PLA2G4D: variants seen among roughly 807,000 people sequenced by gnomAD.
The protein encoded by PLA2G4D is cytosolic phospholipase A2 delta.
A neutral mutation model predicts 94.4 loss-of-function variants in PLA2G4D; 80 were observed. The ratio of observed to expected loss-of-function variants is 0.85; its 90% CI spans 0.71 to 1.02. The LOEUF (loss-of-function observed/expected upper bound fraction) is 1.02. Among genes scored for constraint, PLA2G4D ranks in the 50% least tolerant of loss-of-function variants. The pLI, the probability that PLA2G4D is intolerant of heterozygous loss-of-function variation, is 0.00. For missense variants in PLA2G4D, 1,050 were observed against 1,034.7 expected (o/e 1.01, Z -0.20); for synonymous variants, 438 against 440.9 (o/e 0.99, Z 0.08).
chr15:42,069,663 C>T (rs550942760), intron 19 of PLA2G4D, among the ~76,000 whole-genome samples: 1 of 152,010 alleles, frequency 6.6e-6, no homozygotes, highest in African/African-American at 2.4e-5. Flanking sequence ...TGGAAGGCTG[C>T]AGGAGCCCGG....
At chr15:42,074,556 G>A (rs1618007) in intron 13 of PLA2G4D, among the ~76,000 whole-genome samples, 11,836 of 152,168 alleles carry the variant, frequency 0.078, 578 homozygotes, top group South Asian at 0.18. Flanking sequence ...TGTATTTTAC[G>A]AGCGGGTTTT....
At position 42,071,835 on chromosome 15, in the gene PLA2G4D, G is replaced by A. The variant is rs368579134; in HGVS notation, c.1512C>T (p.Ser504=). 5.8e-5 allele frequency: 93 copies of A among 1,614,152 alleles called. No homozygotes were observed. The highest frequency in any genetic ancestry group is 5.3e-4 in the South Asian group (48 of 91,076). ...GAFVPPELFG[S]EFFMGRLMRR... ...TCATCAGCCGTCCCATGAAGAACTCGGAGCCGAAGAGCTCAGGAGGGACGA... is the reference window on the plus strand; with the variant it reads ...TCATCAGCCGTCCCATGAAGAACTCAGAGCCGAAGAGCTCAGGAGGGACGA... Residue 504 remains serine, a synonymous_variant, in exon 15 of 20, where the codon TCC becomes TCT. Transcript: ENST00000290472.
In PLA2G4D at chr15:42,071,918, G is replaced by A. The variant is rs777806433; in HGVS notation, c.1436-7C>T. On this transcript the variant is annotated splice_polypyrimidine_tract_variant and splice_region_variant and intron_variant, in intron 14 of 19. Transcript: ENST00000290472. ...GGGGAGAACTCAACCCACTCTAATG[G>A]GGTGGGAAGGAGAGGCAGGAGTGTG... is the stretch of plus-strand genomic sequence containing the variant. The A allele has an allele frequency of 6.2e-7, 1 of 1,613,656 alleles. No homozygotes were observed. Among genetic ancestry groups the A allele is most frequent in the Non-Finnish European group, 8.5e-7 (1 of 1,179,692 alleles).
Position 42,073,618 on chromosome 15 carries a change from C to T in PLA2G4D, c.1318-1226G>A, listed in dbSNP as rs1200489008. 4.6e-5 allele frequency among the ~76,000 whole-genome samples: 7 copies of T among 152,310 alleles called. No homozygotes were observed. In the South Asian group the frequency reaches 8.3e-4, roughly 18 times the overall value. Reference sequence around the variant, plus strand: ...CTAGTTCTAGAGGCTCCCAACCTGCCGCAGCAGCCCTTATCATCAGAGTGA... The same window carrying T: ...CTAGTTCTAGAGGCTCCCAACCTGCTGCAGCAGCCCTTATCATCAGAGTGA... On this transcript the variant is annotated intron_variant, in intron 13 of 19. Coordinates refer to ENST00000290472, the MANE Select transcript of PLA2G4D (RefSeq NM_178034.4).
In PLA2G4D at chr15:42,079,540, G is replaced by C. The variant is rs1458592496; in HGVS notation, c.1314C>G (p.Gly438=). 3.8e-6 allele frequency: 6 copies of C among 1,598,938 alleles called. No homozygotes were observed. The South Asian group carries it at 6.7e-5, about 18-fold the overall frequency. The change falls in exon 13 of 20, where the codon GGC becomes GGG. Residue 438 remains glycine (G), a synonymous_variant. Transcript: ENST00000290472. ...WALVLESMLH[G]QVMDQKLSGQ... is the part of the protein sequence containing the mutation. ...CCCACGTGCGCAGGCGCCCTACCTG[G>C]CCGTGCAGCATGGACTCCAGCACTA...
chr15:42,087,152 A>T, intron 3 of PLA2G4D, 148 bp downstream of exon 3: 1 of 1,050,410 alleles, frequency 9.5e-7, no homozygotes, highest in Non-Finnish European at 1.4e-6. Context: ...ATTCCCTTGC[A>T]CACAGCACAG....
chr15:42,079,452 G>A, intron 13 of PLA2G4D, 85 bp downstream of exon 13: 3 of 1,311,960 alleles, frequency 2.3e-6, no homozygotes, highest in East Asian at 2.6e-5. Context: ...CAAGAAATAC[G>A]CACGCGCATG....
rs987928228 is a variant in PLA2G4D at position 42,069,892 on chromosome 15, G to A, written c.2230+17C>T. 2 of 1,399,440 alleles carry A rather than the reference G, an allele frequency of 1.4e-6. No individual in the cohort carries two copies. Among genetic ancestry groups the A allele is most frequent in the African/African-American group, 3.1e-5 (2 of 65,564 alleles). 86.7% of individuals were successfully genotyped at this position (1,399,440 alleles called of 1,614,324 possible). A position where few individuals can be genotyped will look rare whatever the true frequency, so the allele number is the denominator to read the frequency against. On this transcript the variant is annotated intron_variant, in intron 19 of 19. Transcript: ENST00000290472. ...GAGGGGCCAGGCAGCCTGGGTGCTT[G>A]GGAGGGGCTGCCTCACCGGGGGCTG...
At chr15:42,085,434 C>T (rs1001041955) in intron 5 of PLA2G4D, 57 bp downstream of exon 5, 2 of 1,579,308 alleles carry the variant, frequency 1.3e-6, no homozygotes, top group Non-Finnish European at 1.7e-6. Flanking sequence ...TGGGTCAGGG[C>T]CATTTCCTCA....
In PLA2G4D at chr15:42,069,663, C is replaced by G. The variant is rs550942760; in HGVS notation, c.2230+246G>C. On this transcript the variant is annotated intron_variant, in intron 19 of 19. Transcript: ENST00000290472. ...GGGTACTAGGGCAAGTGGAAGGCTGCAGGAGCCCGGCATCATGACAAAGGG... is the reference window on the plus strand; with the variant it reads ...GGGTACTAGGGCAAGTGGAAGGCTGGAGGAGCCCGGCATCATGACAAAGGG... Among the ~76,000 whole-genome samples the G allele has an allele frequency of 3.9e-5, 6 of 152,128 alleles. No homozygotes were observed. The South Asian group carries it at 1.2e-3, about 32-fold the overall frequency.
intron 1 of PLA2G4D, among the ~76,000 whole-genome samples, chr15:42,089,237 T>C (rs1890209605): frequency 6.6e-6 from 1 of 152,064 alleles, no homozygotes; most frequent in Admixed American, 6.5e-5. Context: ...ATGCATGTGG[T>C]TGGAAGTTCT....
chr15:42,077,178 C>T (rs915480734), intron 13 of PLA2G4D, among the ~76,000 whole-genome samples: 3 of 152,166 alleles, frequency 2.0e-5, no homozygotes, highest in African/African-American at 7.2e-5. Context: ...ACCAATTCTA[C>T]TCAAACTATT....
In PLA2G4D at chr15:42,070,039, C is replaced by T. The variant is rs551241957; in HGVS notation, c.2100G>A (p.Val700=). Residue 700 remains valine, a synonymous_variant, in exon 19 of 20, where the codon GTG becomes GTA. Coordinates refer to ENST00000290472, the MANE Select transcript of PLA2G4D (RefSeq NM_178034.4). ...CRARGLPFPR[V]EPSPQDQHQP... ...GGTGCTGGTCCTGAGGGCTGGGTTC[C>T]ACCCGGGGGAAGGGCAGCCCCCGGG... The T allele has an allele frequency of 6.6e-7, 1 of 1,519,842 alleles. No individual in the cohort carries two copies. Among genetic ancestry groups the T allele is most frequent in the South Asian group, 1.3e-5 (1 of 79,182 alleles). 94.1% of individuals were successfully genotyped at this position (1,519,842 alleles called of 1,614,324 possible).
intron 15 of PLA2G4D, 92 bp downstream of exon 15, chr15:42,071,682 C>A: frequency 2.1e-6 from 3 of 1,455,308 alleles, no homozygotes; most frequent in South Asian, 1.2e-5. Flanking sequence ...CCCCCTTGTC[C>A]TGAGGTTCTG....
chr15:42,068,497 C>T lies in PLA2G4D; in HGVS notation c.*218G>A. ...CTGGTTGGACCAGCTGTTCTACACACTGGCCTGGCGAAGTTATTTTCAACT... is the reference window on the plus strand; with the variant it reads ...CTGGTTGGACCAGCTGTTCTACACATTGGCCTGGCGAAGTTATTTTCAACT... On this transcript the variant is annotated 3_prime_UTR_variant, in exon 20 of 20. Coordinates refer to ENST00000290472, the MANE Select transcript of PLA2G4D (RefSeq NM_178034.4). The T allele has an allele frequency of 1.7e-6, 1 of 579,498 alleles. No individual in the cohort carries two copies. The highest frequency in any genetic ancestry group is 3.1e-6 in the Non-Finnish European group (1 of 324,310). 35.9% of individuals were successfully genotyped at this position (579,498 alleles called of 1,614,324 possible).
chr15:42,070,858 G>T lies in PLA2G4D; in HGVS notation c.1902C>A (p.Ser634Arg). Reference sequence around the variant, plus strand: ...GCCGGGGCTCCTTGGGGGTCAGCTGGCTGGGCATGGAGTCAAGCTGGTAGT... The same window carrying T: ...GCCGGGGCTCCTTGGGGGTCAGCTGTCTGGGCATGGAGTCAAGCTGGTAGT... ...WADYQLDSMP[S>R]QLTPKEPRLC... The change falls in exon 18 of 20, where the codon AGC (serine) becomes AGA (arginine). Residue 634 changes from serine (S) to arginine (R), a missense_variant. By Grantham distance (110) the Ser-to-Arg change is moderately radical. Coordinates refer to ENST00000290472, the MANE Select transcript of PLA2G4D (RefSeq NM_178034.4). 6.2e-7 allele frequency: 1 copy of T among 1,611,942 alleles called. No individual in the cohort carries two copies.
At chr15:42,078,376 T>A (rs144620874) in intron 13 of PLA2G4D, among the ~76,000 whole-genome samples, 15 of 152,362 alleles carry the variant, frequency 9.8e-5, no homozygotes, top group African/African-American at 3.4e-4. Flanking sequence ...TTTAACTGTA[T>A]CTGTAACATT....
chr15:42,085,366 C>T, intron 5 of PLA2G4D, 125 bp downstream of exon 5: 1 of 1,209,364 alleles, frequency 8.3e-7, no homozygotes, highest in Middle Eastern at 2.2e-4. Context: ...CACTCCCGAC[C>T]TCTCTGGCAG....
At chr15:42,091,040 A>C (rs1446217220) in intron 1 of PLA2G4D, among the ~76,000 whole-genome samples, 1 of 152,104 alleles carries the variant, frequency 6.6e-6, no homozygotes, top group Non-Finnish European at 1.5e-5. Context: ...GTCATTCGAC[A>C]CATTCCGAGC....
Sources: gnomAD v4.1 joint callset for allele counts (sites outside exome capture counted in the v4.1 genomes callset) on GRCh38, gnomAD v4.1.1 for gene constraint, MANE v1.5 for transcripts, NCBI Gene and HGNC (gene_info 2026-07-23, HGNC 2026-07-21) for gene names.